MRM1: variants seen among roughly 807,000 people sequenced by gnomAD.
The protein encoded by MRM1 is rRNA methyltransferase 1, mitochondrial.
In MRM1, 24 loss-of-function variants were observed where a neutral mutation model predicts 25.0. The observed-to-expected ratio is 0.96, with a 90% CI of 0.69 to 1.35. The LOEUF is 1.35. Among genes scored for constraint, MRM1 ranks in the 40% most tolerant of loss-of-function variants. The probability of loss-of-function intolerance (pLI) is 0.00; values close to 1 mark genes in which losing one functional copy is unlikely to be tolerated. For missense variants in MRM1, 431 were observed against 464.1 expected, an observed-to-expected ratio of 0.93 and a Z score of 0.65; for synonymous variants, 188 against 199.2, an observed-to-expected ratio of 0.94 and a Z score of 0.47.
At chr17:36,630,331 G>A in the MRM1 span, among the ~76,000 whole-genome samples, 1 of 152,198 alleles carries the variant, frequency 6.6e-6, no homozygotes, top group African/African-American at 2.4e-5. Context: ...GTATCCTTGA[G>A]AGACCCCGTC....
In MRM1 at chr17:36,608,228, CTTG is replaced by C. The variant is rs767823942; in HGVS notation, c.890-13_890-11del. On this transcript the variant is annotated splice_polypyrimidine_tract_variant and intron_variant, in intron 4 of 4. Transcript: ENST00000614766. Reference sequence around the variant, plus strand: ...CTCCTCCGTCCTCTCTTCCCTTGTCCTTGTGTCTGTGCAGGAATTCTTCTTCAC... The same window carrying C: ...CTCCTCCGTCCTCTCTTCCCTTGTCCTGTCTGTGCAGGAATTCTTCTTCAC... 1.3e-6 allele frequency: 2 copies of C among 1,550,972 alleles called. No individual in the cohort carries two copies. The highest frequency in any genetic ancestry group is 1.2e-5 in the South Asian group (1 of 81,146).
downstream of MRM1, among the ~76,000 whole-genome samples, chr17:36,612,653 A>G (rs536241147): frequency 6.6e-6 from 1 of 152,346 alleles, no homozygotes; most frequent in South Asian, 2.1e-4. Flanking sequence ...GCTGCTAGAC[A>G]GTGCTTGCTT....
rs200099006 is a variant in MRM1 at position 36,602,695 on chromosome 17, T to C, written c.636+49T>C. 1.3e-6 allele frequency: 2 copies of C among 1,598,390 alleles called. No individual in the cohort carries two copies. Among genetic ancestry groups the C allele is most frequent in the East Asian group, 2.2e-5 (1 of 44,804 alleles). ...GAACAGATGTGAGCCCAGCTCAGCC[T>C]CTTCAAGGGGACGAAGCTAGCCCCT... is the stretch of plus-strand genomic sequence containing the variant. On this transcript the variant is annotated intron_variant, in intron 2 of 4. Coordinates refer to ENST00000614766, the MANE Select transcript of MRM1 (RefSeq NM_024864.5). The surrounding 1 kb of genome is among the most constrained non-coding windows in gnomAD (Gnocchi z 4.1).
At chr17:36,621,848 G>A in the MRM1 span, among the ~76,000 whole-genome samples, 2 of 152,032 alleles carry the variant, frequency 1.3e-5, no homozygotes, top group African/African-American at 2.4e-5. Context: ...GTATTTCCCC[G>A]TCTGTCTATC....
Position 36,608,475 on chromosome 17 carries a change from G to T in MRM1, c.*60G>T. 2.3e-6 allele frequency: 3 copies of T among 1,332,856 alleles called. No homozygotes were observed. Among genetic ancestry groups the T allele is most frequent in the East Asian group, 2.7e-5 (1 of 36,758 alleles). The allele number at this position is 1,332,856 out of a possible 1,614,324, so 82.6% of individuals were successfully genotyped here. A position where few individuals can be genotyped will look rare whatever the true frequency, so the allele number is the denominator to read the frequency against. ...AGGGACGGCCGCACCTGCCTCCGCC[G>T]GCTCCAGTGTGCGGGGAGCCTCTGC... On this transcript the variant is annotated 3_prime_UTR_variant, in exon 5 of 5. Transcript: ENST00000614766.
the MRM1 span, among the ~76,000 whole-genome samples, chr17:36,631,150 A>G: frequency 1.3e-5 from 2 of 152,210 alleles, no homozygotes; most frequent in African/African-American, 4.8e-5. Flanking sequence ...TGTCAGTATT[A>G]TTGTGATCAA....
rs895317714 is a variant in MRM1 at position 36,607,578 on chromosome 17, G to A, written c.637-92G>A. Reference sequence around the variant, plus strand: ...GTTGAGGCTGCGGTGAGCTGTGATCGTGCCACTGCACTCCAGCCTGAGCGA... The same window carrying A: ...GTTGAGGCTGCGGTGAGCTGTGATCATGCCACTGCACTCCAGCCTGAGCGA... On this transcript the variant is annotated intron_variant, in intron 2 of 4. Coordinates refer to ENST00000614766, the MANE Select transcript of MRM1 (RefSeq NM_024864.5). The A allele has an allele frequency of 6.3e-6, 9 of 1,437,946 alleles. No homozygotes were observed. The African/African-American group carries it at 8.5e-5, about 14-fold the overall frequency. The allele number at this position is 1,437,946 out of a possible 1,614,324, so 89.1% of individuals were successfully genotyped here.
chr17:36,618,827 A>G, the MRM1 span, among the ~76,000 whole-genome samples: 1 of 152,182 alleles, frequency 6.6e-6, no homozygotes, highest in African/African-American at 2.4e-5. Context: ...AAAGCTGGGG[A>G]GACTGAGGCT....
the MRM1 span, among the ~76,000 whole-genome samples, chr17:36,630,930 C>G: frequency 1.3e-5 from 2 of 152,148 alleles, no homozygotes; most frequent in Non-Finnish European, 2.9e-5. Flanking sequence ...CCGTCCTGGG[C>G]GAGTTTCCTG....
the MRM1 span, among the ~76,000 whole-genome samples, chr17:36,617,543 C>T: frequency 2.6e-5 from 4 of 152,054 alleles, no homozygotes; most frequent in Non-Finnish European, 5.9e-5. Context: ...CAGGCTCCCA[C>T]CACAACCACA....
At position 36,602,035 on chromosome 17, in the gene MRM1, G is replaced by A; in HGVS notation, c.225G>A (p.Gln75=). Residue 75 remains glutamine, a synonymous_variant, in exon 1 of 5, where the codon CAG becomes CAA. Transcript: ENST00000614766. This position sits in a 1 kb window ranked among gnomAD's most constrained non-coding sequence, Gnocchi z 4.1. ...ARRSVARLLL[Q]AGKAGLQGKR... ...GCTCTGTGGCCCGGCTCCTGCTCCAGGCGGGTAAAGCTGGGCTGCAGGGGA... is the reference window on the plus strand; with the variant it reads ...GCTCTGTGGCCCGGCTCCTGCTCCAAGCGGGTAAAGCTGGGCTGCAGGGGA... 2.5e-6 allele frequency: 4 copies of A among 1,610,596 alleles called. No individual in the cohort carries two copies. Among genetic ancestry groups the A allele is most frequent in the Non-Finnish European group, 2.5e-6 (3 of 1,178,834 alleles).
chr17:36,624,346 G>T, the MRM1 span, among the ~76,000 whole-genome samples: 1 of 152,102 alleles, frequency 6.6e-6, no homozygotes, highest in Non-Finnish European at 1.5e-5. This position sits in a 1 kb window ranked among gnomAD's most constrained non-coding sequence, Gnocchi z 4.0. Context: ...CCCCACCTGG[G>T]GTCCCCCAAG....
Position 36,608,022 on chromosome 17 carries a change from A to T in MRM1, c.889+4A>T. On this transcript the variant is annotated splice_donor_region_variant and intron_variant, in intron 4 of 4. Transcript: ENST00000614766. ...TTGAACGTCTCTGTGGCTGCAGGTG[A>T]GTCTACTCCCCTTTCCCTTTCCTCT... 6.2e-7 allele frequency: 1 copy of T among 1,613,770 alleles called. No homozygotes were observed. Among genetic ancestry groups the T allele is most frequent in the South Asian group, 1.1e-5 (1 of 91,048 alleles).
the MRM1 span, among the ~76,000 whole-genome samples, chr17:36,618,171 T>C: frequency 1.3e-5 from 2 of 151,858 alleles, no homozygotes; most frequent in Non-Finnish European, 2.9e-5. Flanking sequence ...TAAGGGGACC[T>C]GGGAGTGGGA....
chr17:36,609,933 C>T (rs534613483), downstream of MRM1, among the ~76,000 whole-genome samples: 4 of 152,242 alleles, frequency 2.6e-5, no homozygotes, highest in African/African-American at 7.2e-5. Context: ...GGCCTATGCT[C>T]CTTTTTTTTT....
chr17:36,601,682 A>G lies in MRM1; in HGVS notation c.-129A>G. The G allele has an allele frequency of 3.0e-6, 3 of 1,001,406 alleles. No homozygotes were observed. The highest frequency in any genetic ancestry group is 4.2e-6 in the Non-Finnish European group (3 of 707,848). The allele number at this position is 1,001,406 out of a possible 1,614,324, so 62.0% of individuals were successfully genotyped here. On this transcript the variant is annotated 5_prime_UTR_variant, in exon 1 of 5. Transcript: ENST00000614766. The stretch of plus-strand genomic sequence containing the variant: ...TCGGGGCTGTTTGTTCCTGTCCGAG[A>G]GAGCTCGGCGGAGACGGCTGTCGAG...
downstream of MRM1, among the ~76,000 whole-genome samples, chr17:36,610,644 G>C (rs908068817): frequency 1.3e-5 from 2 of 152,096 alleles, no homozygotes; most frequent in African/African-American, 2.4e-5. Context: ...TGACTGCCAC[G>C]CAGGCTCTGA....
chr17:36,613,569 T>C (rs1194803199), downstream of MRM1, among the ~76,000 whole-genome samples: 4 of 151,994 alleles, frequency 2.6e-5, no homozygotes, highest in Non-Finnish European at 5.9e-5. Flanking sequence ...GAGCTAGAGG[T>C]CCCTCCTCCT....
In MRM1 at chr17:36,608,501, C is replaced by T; in HGVS notation, c.*86C>T. 1 of 1,046,248 alleles carries T rather than the reference C, an allele frequency of 9.6e-7. No homozygotes were observed. The highest frequency in any genetic ancestry group is 1.3e-6 in the Non-Finnish European group (1 of 760,054). The allele number at this position is 1,046,248 out of a possible 1,614,324, so 64.8% of individuals were successfully genotyped here. On this transcript the variant is annotated 3_prime_UTR_variant, in exon 5 of 5. Transcript: ENST00000614766. ...GCTCCAGTGTGCGGGGAGCCTCTGC[C>T]TGAGTGTGCACCAGGCCCATGTTTA...
Sources: gnomAD v4.1 joint callset for allele counts (sites outside exome capture counted in the v4.1 genomes callset) on GRCh38, gnomAD v4.1.1 for gene constraint, Gnocchi (gnomAD v3.1) non-coding constraint, MANE v1.5 for transcripts, NCBI Gene and HGNC (gene_info 2026-07-23, HGNC 2026-07-21) for gene names.